Variants in SIPA1L3 observed in about 807,000 individuals in gnomAD.
SIPA1L3 encodes the protein signal induced proliferation associated 1 like 3.
SIPA1L3 carries 59 observed loss-of-function variants against 150.1 expected under a neutral mutation model. The ratio of observed to expected loss-of-function variants is 0.39; its 90% confidence interval spans 0.32 to 0.49. The LOEUF is 0.49. SIPA1L3 is among the 20% of genes least tolerant of loss of function. SIPA1L3 has a pLI of 0.86. For missense variants in SIPA1L3, 2,211 were observed against 2,489.5 expected (o/e 0.89, Z 2.38); for synonymous variants, 1,070 against 1,077.6 (o/e 0.99, Z 0.14).
chr19:38,076,126 C>T (rs1243483584), intron 2 of SIPA1L3, among the ~76,000 whole-genome samples: 1 of 151,474 alleles, frequency 6.6e-6, no homozygotes. Flanking sequence ...GGCGACAGAG[C>T]AAGGCTCTGT....
Position 38,174,125 on chromosome 19 carries a change from C to T in SIPA1L3, c.4209-8394C>T, listed in dbSNP as rs539106204. On this transcript the variant is annotated intron_variant, in intron 15 of 21. Coordinates refer to ENST00000222345, the MANE Select transcript of SIPA1L3 (RefSeq NM_015073.3). ...GAGGAAGAGGGAGCCAGGAGGAGGC[C>T]GCTCTGACAATACAGGTGGCAGTGG... Among the ~76,000 whole-genome samples the T allele has an allele frequency of 1.6e-3, 240 of 152,186 alleles. 1 individual carries two copies. The highest frequency in any genetic ancestry group is 6.9e-3 in the South Asian group (33 of 4,812).
chr19:38,044,598 G>A (rs1969008773), intron 2 of SIPA1L3, among the ~76,000 whole-genome samples: 1 of 152,164 alleles, frequency 6.6e-6, no homozygotes, highest in Admixed American at 6.5e-5. Flanking sequence ...GGCCTGTGAA[G>A]GTGTGACTAC....
chr19:38,067,555 G>T (rs1330869327), intron 2 of SIPA1L3, among the ~76,000 whole-genome samples: 6 of 152,092 alleles, frequency 3.9e-5, no homozygotes, highest in Non-Finnish European at 2.9e-5. Context: ...CTGAGGTCAG[G>T]AGTTCAAGAC....
intron 13 of SIPA1L3, among the ~76,000 whole-genome samples, chr19:38,161,613 C>A (rs912888058): frequency 2.0e-5 from 3 of 152,016 alleles, no homozygotes; most frequent in Non-Finnish European, 2.9e-5. Context: ...GTAATCCCAG[C>A]TGCTTGAGAG....
intron 1 of SIPA1L3, among the ~76,000 whole-genome samples, chr19:38,004,465 C>T (rs1967887790): frequency 6.6e-6 from 1 of 152,190 alleles, no homozygotes; most frequent in Non-Finnish European, 1.5e-5. Context: ...GAGCCTGGGG[C>T]TATTGCCAGT....
intron 1 of SIPA1L3, among the ~76,000 whole-genome samples, chr19:37,954,275 AAT>A (rs1188128525): frequency 6.6e-6 from 1 of 152,168 alleles, no homozygotes; most frequent in Non-Finnish European, 1.5e-5. Context: ...TGGTTCAGAA[AAT>A]CCTATTTTTA....
intron 8 of SIPA1L3, among the ~76,000 whole-genome samples, chr19:38,117,620 G>GAA (rs562060967): frequency 1.5e-4 from 21 of 143,548 alleles, no homozygotes; most frequent in African/African-American, 2.8e-4. Flanking sequence ...CTCCATCTCA[G>GAA]AAAAAAAAAA....
Position 38,081,868 on chromosome 19 carries a change from C to T in SIPA1L3, c.303C>T (p.Pro101=). 3 of 1,614,144 alleles carry T rather than the reference C, an allele frequency of 1.9e-6. No homozygotes were observed. Among genetic ancestry groups the T allele is most frequent in the Non-Finnish European group, 2.5e-6 (3 of 1,179,994 alleles). The change falls in exon 3 of 22, where the codon CCC becomes CCT. Residue 101 remains proline (P), a synonymous_variant. Transcript: ENST00000222345. ...TGAGAGAGCACAGCAACCCAAGCCCCTCCCAGGACACAGATGGCACAAAGG... is the reference window on the plus strand; with the variant it reads ...TGAGAGAGCACAGCAACCCAAGCCCTTCCCAGGACACAGATGGCACAAAGG... ...EALREHSNPS[P]SQDTDGTKAT...
chr19:38,033,402 T>C (rs1286328808), intron 2 of SIPA1L3, among the ~76,000 whole-genome samples: 1 of 152,208 alleles, frequency 6.6e-6, no homozygotes. Flanking sequence ...TGAACATCAC[T>C]TGAGGGCTGG....
At chr19:38,139,642 G>A (rs1008392962) in intron 10 of SIPA1L3, among the ~76,000 whole-genome samples, 20 of 152,190 alleles carry the variant, frequency 1.3e-4, no homozygotes, top group African/African-American at 2.7e-4. Flanking sequence ...GAGGGGTGCG[G>A]TGTGTCGGGC....
chr19:38,141,084 C>G, intron 10 of SIPA1L3, 100 bp from the exon 11 acceptor site: 1 of 908,790 alleles, frequency 1.1e-6, no homozygotes. Flanking sequence ...AAAAAAAAAG[C>G]CATCCCGGTT....
At chr19:37,986,080 T>C (rs1234532460) in intron 1 of SIPA1L3, among the ~76,000 whole-genome samples, 1 of 152,208 alleles carries the variant, frequency 6.6e-6, no homozygotes, top group Non-Finnish European at 1.5e-5. Context: ...CTGGGCATGC[T>C]GCTTGGGGCT....
chr19:38,155,781 C>G (rs961998822), intron 13 of SIPA1L3, among the ~76,000 whole-genome samples: 2 of 152,138 alleles, frequency 1.3e-5, no homozygotes, highest in Non-Finnish European at 2.9e-5. Flanking sequence ...TCCTCAATAT[C>G]TCAGCCCATG....
intron 2 of SIPA1L3, among the ~76,000 whole-genome samples, chr19:38,031,167 G>A (rs77363117): frequency 0.022 from 3,317 of 152,250 alleles, 111 homozygotes; most frequent in African/African-American, 0.075. Flanking sequence ...TAAAAAAGTT[G>A]TGAAAATGGT....
chr19:38,043,262 C>T (rs1462339206), intron 2 of SIPA1L3, among the ~76,000 whole-genome samples: 1 of 152,172 alleles, frequency 6.6e-6, no homozygotes, highest in African/African-American at 2.4e-5. Flanking sequence ...ATCGCTTGAA[C>T]CTGGGAGGCG....
intron 2 of SIPA1L3, among the ~76,000 whole-genome samples, chr19:38,033,667 A>T (rs995624865): frequency 1.1e-5 from 1 of 91,722 alleles, no homozygotes; most frequent in Non-Finnish European, 2.3e-5. Flanking sequence ...AGCGAGAGAG[A>T]TACGTATGTG....
chr19:38,152,116 A>G (rs1259665124), intron 12 of SIPA1L3, among the ~76,000 whole-genome samples: 1 of 152,084 alleles, frequency 6.6e-6, no homozygotes, highest in Non-Finnish European at 1.5e-5. Flanking sequence ...ACTTTATTCC[A>G]TCCACTCCCC....
chr19:38,124,988 T>C (rs185954932), intron 9 of SIPA1L3, among the ~76,000 whole-genome samples: 3,652 of 35,484 alleles, frequency 0.1, 156 homozygotes, highest in African/African-American at 0.4. Flanking sequence ...AGAGGGAGAC[T>C]GTGGAAAGAG....
intron 1 of SIPA1L3, among the ~76,000 whole-genome samples, chr19:37,943,628 G>T (rs1222376769): frequency 6.6e-6 from 1 of 152,184 alleles, no homozygotes; most frequent in East Asian, 1.9e-4. Context: ...TTTGAGCCCT[G>T]AGCCTGCTTA....
Sources: allele counts gnomAD v4.1 joint callset (sites outside exome capture counted in the v4.1 genomes callset), GRCh38; gene constraint gnomAD v4.1.1; transcripts MANE v1.5; gene names NCBI Gene and HGNC (gene_info 2026-07-23, HGNC 2026-07-21).